INSR: variants seen among roughly 807,000 people sequenced by gnomAD.
The protein encoded by INSR is insulin receptor.
A neutral mutation model predicts 142.6 loss-of-function variants in INSR; 67 were observed. The observed-to-expected ratio is 0.47, with a 90% CI of 0.39 to 0.58. The LOEUF (loss-of-function observed/expected upper bound fraction) is 0.58. INSR is among the 20% of genes least tolerant of loss of function. The pLI, the probability that INSR is intolerant of heterozygous loss-of-function variation, is 0.00. For synonymous variants in INSR, 756 were observed against 743.1 expected (o/e 1.02, Z -0.28); for missense variants, 1,248 against 1,833.2 (o/e 0.68, Z 5.83).
At chr19:7,260,495 G>A (rs951307193) in intron 2 of INSR, among the ~76,000 whole-genome samples, 1 of 152,174 alleles carries the variant, frequency 6.6e-6, no homozygotes, top group Non-Finnish European at 1.5e-5. Context: ...CAAAAATCAG[G>A]GTGGTCTTCC....
chr19:7,168,883 C>T lies in INSR; in HGVS notation c.1484-789G>A, dbSNP rs915185961. ...CCTCCCAGAGTGCTGGGATTCCAGG[C>T]GTGAGCCACCATGCCCAGCCCTTGC... On this transcript the variant is annotated intron_variant, in intron 6 of 21. Transcript: ENST00000302850. The surrounding 1 kb of genome is among the most constrained non-coding windows in gnomAD (Gnocchi z 4.3). 3.3e-5 allele frequency among the ~76,000 whole-genome samples: 5 copies of T among 152,094 alleles called. No individual in the cohort carries two copies. The highest frequency in any genetic ancestry group is 6.6e-5 in the Admixed American group (1 of 15,266).
chr19:7,230,073 T>C (rs893023366), intron 2 of INSR, among the ~76,000 whole-genome samples: 4 of 152,160 alleles, frequency 2.6e-5, no homozygotes, highest in Non-Finnish European at 5.9e-5. Flanking sequence ...TTTACAGACA[T>C]GAGTCAGCGT....
intron 1 of INSR, among the ~76,000 whole-genome samples, chr19:7,278,480 C>T (rs528349420): frequency 3.3e-5 from 5 of 152,286 alleles, no homozygotes; most frequent in Admixed American, 2.0e-4. Context: ...TTCAAAAGGC[C>T]GGAGAAGACC....
At chr19:7,198,010 G>A (rs1408179324) in intron 2 of INSR, among the ~76,000 whole-genome samples, 1 of 126,076 alleles carries the variant, frequency 7.9e-6, no homozygotes. Context: ...CATGGTGGGC[G>A]AGCGTGTGTG....
intron 2 of INSR, among the ~76,000 whole-genome samples, chr19:7,237,775 C>T (rs1178044997): frequency 6.6e-6 from 1 of 151,822 alleles, no homozygotes; most frequent in Non-Finnish European, 1.5e-5. Flanking sequence ...AAGATGGCGC[C>T]ACTGGACTCC....
At chr19:7,249,678 T>C (rs1258289361) in intron 2 of INSR, among the ~76,000 whole-genome samples, 2 of 151,804 alleles carry the variant, frequency 1.3e-5, no homozygotes, top group Non-Finnish European at 1.5e-5. Context: ...TGAGACTCCA[T>C]CTGTACAAAA....
intron 20 of INSR, 71 bp downstream of exon 20, chr19:7,120,549 C>A: frequency 6.3e-7 from 1 of 1,595,512 alleles, no homozygotes; most frequent in East Asian, 2.2e-5. Context: ...GCTTCCTTCC[C>A]CCGCTCTTGG....
chr19:7,246,812 G>A (rs1277288981), intron 2 of INSR, among the ~76,000 whole-genome samples: 3 of 152,058 alleles, frequency 2.0e-5, no homozygotes, highest in East Asian at 3.9e-4. Context: ...GCAAAAATTA[G>A]CTGATACAAA....
intron 2 of INSR, among the ~76,000 whole-genome samples, chr19:7,233,054 C>T (rs921374909): frequency 1.3e-5 from 2 of 152,042 alleles, no homozygotes. Flanking sequence ...GGCGCCACCT[C>T]GCCATCTCGG....
intron 1 of INSR, among the ~76,000 whole-genome samples, chr19:7,275,538 T>C (rs894709749): frequency 6.6e-6 from 1 of 151,998 alleles, no homozygotes; most frequent in Non-Finnish European, 1.5e-5. Context: ...ATCCCAGCAC[T>C]TTGGGAGGCC....
intron 1 of INSR, among the ~76,000 whole-genome samples, chr19:7,281,511 C>CA (rs11409677): frequency 0.45 from 67,605 of 151,176 alleles, 15,986 homozygotes; most frequent in East Asian, 0.65. Flanking sequence ...CCTGTCTCTG[C>CA]AAAAAATAAA....
chr19:7,268,630 G>A, intron 1 of INSR: 1 of 983,952 alleles, frequency 1.0e-6, no homozygotes. Flanking sequence ...ATCCTCCTCT[G>A]TAACATGGCT....
In INSR at chr19:7,293,937, G is replaced by A; in HGVS notation, c.-46C>T. 8.6e-7 allele frequency: 1 copy of A among 1,162,132 alleles called. No homozygotes were observed. Among genetic ancestry groups the A allele is most frequent in the East Asian group, 4.1e-5 (1 of 24,158 alleles). The allele number at this position is 1,162,132 out of a possible 1,614,324, so 72.0% of individuals were successfully genotyped here. On this transcript the variant is annotated 5_prime_UTR_variant, in exon 1 of 22. The change creates a premature stop within an existing upstream ORF in the 5' untranslated region. Coordinates refer to ENST00000302850, the MANE Select transcript of INSR (RefSeq NM_000208.4). ...TCCTCGGATCAGAGCGCGCGGCGCT[G>A]GCCCGCGGGGGTCATGCTCCGAGGC...
At chr19:7,212,584 T>C (rs1975308194) in intron 2 of INSR, among the ~76,000 whole-genome samples, 1 of 152,056 alleles carries the variant, frequency 6.6e-6, no homozygotes, top group African/African-American at 2.4e-5. Context: ...TTTCTTTAAA[T>C]TTATTTTTGG....
chr19:7,217,896 T>G (rs1975486551), intron 2 of INSR, among the ~76,000 whole-genome samples: 1 of 152,162 alleles, frequency 6.6e-6, no homozygotes, highest in Non-Finnish European at 1.5e-5. Context: ...ACAGAAAAGA[T>G]GCAAGGGTGA....
chr19:7,150,507 C>T lies in INSR; in HGVS notation c.2257G>A (p.Glu753Lys), dbSNP rs771341975. The change falls in exon 11 of 22, where the codon GAG becomes AAG. Residue 753 changes from glutamate (E) to lysine (K), a missense_variant. Coordinates refer to ENST00000302850, the MANE Select transcript of INSR (RefSeq NM_000208.4). This position sits in a 1 kb window ranked among gnomAD's most constrained non-coding sequence, Gnocchi z 4.2. The part of the protein sequence containing the change: ...PRKTSSGTGA[E>K]DPRPSRKRRS... ...ACAGGTGAGTCATACCTAGGGTCCT[C>T]GGCACCAGTGCCTGAAGAGGTTTTT... 2 of 1,614,152 alleles carry T rather than the reference C, an allele frequency of 1.2e-6. No homozygotes were observed. Among genetic ancestry groups the T allele is most frequent in the South Asian group, 1.1e-5 (1 of 91,056 alleles).
chr19:7,254,916 G>A (rs1298105167), intron 2 of INSR, among the ~76,000 whole-genome samples: 1 of 152,112 alleles, frequency 6.6e-6, no homozygotes, highest in Admixed American at 6.6e-5. Flanking sequence ...AGGGAAAGCC[G>A]CCTTTCCATT....
At chr19:7,138,977 G>A (rs1222676337) in intron 13 of INSR, among the ~76,000 whole-genome samples, 1 of 152,192 alleles carries the variant, frequency 6.6e-6, no homozygotes, top group African/African-American at 2.4e-5. Context: ...CTCAGAGGAT[G>A]TATTGTACTT....
intron 2 of INSR, among the ~76,000 whole-genome samples, chr19:7,197,866 G>A (rs1194531899): frequency 6.8e-6 from 1 of 147,040 alleles, no homozygotes; most frequent in Non-Finnish European, 1.5e-5. Context: ...GAGAGAGAGT[G>A]TGTGCGCGTG....
Sources: allele counts gnomAD v4.1 joint callset (sites outside exome capture counted in the v4.1 genomes callset), GRCh38; gene constraint gnomAD v4.1.1; non-coding constraint Gnocchi (gnomAD v3.1); transcripts MANE v1.5; gene names NCBI Gene and HGNC (gene_info 2026-07-23, HGNC 2026-07-21).